Variants in WNT5A observed in about 807,000 individuals in gnomAD.
WNT5A encodes the protein protein Wnt-5a.
Under a neutral mutation model 42.1 loss-of-function variants are expected in WNT5A, and 9 were observed. That is an observed-to-expected ratio of 0.21 (90% CI 0.13 to 0.37). WNT5A has a LOEUF of 0.37. Ranked by LOEUF, WNT5A falls within the 10% of genes least tolerant of loss-of-function variation. The probability of loss-of-function intolerance (pLI) is 1.00; values close to 1 mark genes in which losing one functional copy is unlikely to be tolerated. For missense variants in WNT5A, 426 were observed against 534.0 expected (o/e 0.80, Z 1.99); for synonymous variants, 210 against 210.0 (o/e 1.00, Z 0.00).
chr3:55,474,159 G>A (rs2051303302), intron 4 of WNT5A, among the ~76,000 whole-genome samples, 178 bp downstream of exon 4: 1 of 152,126 alleles, frequency 6.6e-6, no homozygotes, highest in African/African-American at 2.4e-5. Flanking sequence ...GGAGGAAAGA[G>A]ACAGGAAAGA....
chr3:55,503,066 A>G, the WNT5A span, among the ~76,000 whole-genome samples: 1 of 152,216 alleles, frequency 6.6e-6, no homozygotes, highest in Non-Finnish European at 1.5e-5. Context: ...AGTGGTAATT[A>G]TACAAGTCTT....
At chr3:55,499,727 A>G in the WNT5A span, among the ~76,000 whole-genome samples, 2 of 152,272 alleles carry the variant, frequency 1.3e-5, no homozygotes, top group African/African-American at 2.4e-5. Context: ...TAATCCCAGC[A>G]CTTTGGGAGG....
At chr3:55,478,898 C>T (rs985428150) in intron 3 of WNT5A, 2 of 153,882 alleles carry the variant, frequency 1.3e-5, no homozygotes, top group Non-Finnish European at 2.9e-5. Context: ...TAAAAGACGG[C>T]AACTTTTAGT....
the WNT5A span, among the ~76,000 whole-genome samples, chr3:55,498,669 G>A: frequency 6.6e-6 from 1 of 152,140 alleles, no homozygotes; most frequent in Non-Finnish European, 1.5e-5. Flanking sequence ...TGATTTGGTG[G>A]GGCTAGCTCC....
intron 4 of WNT5A, among the ~76,000 whole-genome samples, chr3:55,472,233 G>T (rs1311339717): frequency 6.6e-6 from 1 of 152,150 alleles, no homozygotes; most frequent in East Asian, 1.9e-4. Context: ...AACATTATAG[G>T]TGCTTTTCAA....
At chr3:55,488,715 TTGTC>T (rs2051621413), upstream of WNT5A, among the ~76,000 whole-genome samples, 1 of 152,084 alleles carries the variant, frequency 6.6e-6, no homozygotes, top group Admixed American at 6.5e-5. Flanking sequence ...TGCCGCCTGG[TTGTC>T]TGCGCTCCTT....
chr3:55,499,013 C>T, the WNT5A span, among the ~76,000 whole-genome samples: 1 of 152,200 alleles, frequency 6.6e-6, no homozygotes, highest in African/African-American at 2.4e-5. Flanking sequence ...CCATTATCCT[C>T]CTTGTCTTCT....
rs1553676571 is a variant in WNT5A, at chr3:55,469,586, G to GTGTGTTTTGT, written c.*505_*506insACAAAACACA. On this transcript the variant is annotated 3_prime_UTR_variant, in exon 5 of 5. Coordinates refer to ENST00000264634, the MANE Select transcript of WNT5A (RefSeq NM_003392.7). ...CTAGCAGCCCTGCTGGGGAAGGGAG[G>GTGTGTTTTGT]TTTGTTTTGTTTTGTTTTGTTTTCC... is the stretch of plus-strand genomic sequence containing the variant. The GTGTGTTTTGT allele has an allele frequency of 6.5e-6, 1 of 152,776 alleles. No homozygotes were observed. The highest frequency in any genetic ancestry group is 1.5e-5 in the Non-Finnish European group (1 of 68,506). 9.5% of individuals were successfully genotyped at this position (152,776 alleles called of 1,614,324 possible). A position where few individuals can be genotyped will look rare whatever the true frequency, so the allele number is the denominator to read the frequency against.
intron 3 of WNT5A, among the ~76,000 whole-genome samples, chr3:55,475,490 TCAG>T (rs932845163): frequency 1.3e-4 from 20 of 152,218 alleles, no homozygotes; most frequent in African/African-American, 4.6e-4. Context: ...CAATTCTAAA[TCAG>T]CTCATAGAGA....
chr3:55,477,274 C>A (rs1335226959), intron 3 of WNT5A, among the ~76,000 whole-genome samples: 1 of 152,140 alleles, frequency 6.6e-6, no homozygotes, highest in African/African-American at 2.4e-5. Flanking sequence ...GATCCATGTT[C>A]CTCTTTCATA....
In WNT5A at chr3:55,483,174, G is replaced by A. The variant is rs1360412682; in HGVS notation, c.7-2256C>T. 6.6e-6 allele frequency among the ~76,000 whole-genome samples: 1 copy of A among 152,174 alleles called. No homozygotes were observed. The highest frequency in any genetic ancestry group is 6.5e-5 in the Admixed American group (1 of 15,280). On this transcript the variant is annotated intron_variant, in intron 1 of 4. Transcript: ENST00000264634. The surrounding 1 kb of genome is among the most constrained non-coding windows in gnomAD (Gnocchi z 4.2). ...GAGTCCACCAGTTCCCAGAGCCCAG[G>A]CCAACTGAGAGCGGGCCCATCCGGT...
In WNT5A at chr3:55,466,074, T is replaced by A. The variant is rs929849786; in HGVS notation, c.*4018A>T. 5.9e-5 allele frequency: 9 copies of A among 152,334 alleles called. No homozygotes were observed. Among genetic ancestry groups the A allele is most frequent in the Middle Eastern group, 3.4e-3 (1 of 294 alleles). The allele number at this position is 152,334 out of a possible 1,614,324, so 9.4% of individuals were successfully genotyped here. A position where few individuals can be genotyped will look rare whatever the true frequency, so the allele number is the denominator to read the frequency against. Reference sequence around the variant, plus strand: ...ATTTCTCTAAGTTTTAATTCCTATGTTTCTGAATGTTTCTTGAATTAAAAA... The same window carrying A: ...ATTTCTCTAAGTTTTAATTCCTATGATTCTGAATGTTTCTTGAATTAAAAA... On this transcript the variant is annotated 3_prime_UTR_variant, in exon 5 of 5. Coordinates refer to ENST00000264634, the MANE Select transcript of WNT5A (RefSeq NM_003392.7).
intron 2 of WNT5A, among the ~76,000 whole-genome samples, chr3:55,479,883 G>A (rs2051425777): frequency 1.3e-5 from 2 of 152,092 alleles, no homozygotes; most frequent in African/African-American, 4.8e-5. Context: ...CAGTTTGAGG[G>A]ACAGGCCTCT....
At chr3:55,498,319 T>A in the WNT5A span, among the ~76,000 whole-genome samples, 70 of 152,298 alleles carry the variant, frequency 4.6e-4, no homozygotes, top group African/African-American at 1.6e-3. Context: ...GATTATCTAC[T>A]ATGTATGTGC....
chr3:55,500,231 C>A, the WNT5A span, among the ~76,000 whole-genome samples: 2 of 152,144 alleles, frequency 1.3e-5, no homozygotes, highest in Middle Eastern at 3.2e-3. Flanking sequence ...CCTGGAAAAT[C>A]AAGAGCTTGG....
rs1391590176 is a variant in WNT5A, at chr3:55,469,990, G to A, written c.*102C>T. On this transcript the variant is annotated 3_prime_UTR_variant, in exon 5 of 5. Transcript: ENST00000264634. ...AAAATGGTTCCGGTTGCAATTCTTG[G>A]GGAAAAATAAAAAATATTTCTAAAA... The A allele has an allele frequency of 4.2e-6, 6 of 1,444,970 alleles. No individual in the cohort carries two copies. The highest frequency in any genetic ancestry group is 1.2e-5 in the South Asian group (1 of 81,068). The allele number at this position is 1,444,970 out of a possible 1,614,324, so 89.5% of individuals were successfully genotyped here. A position where few individuals can be genotyped will look rare whatever the true frequency, so the allele number is the denominator to read the frequency against.
At chr3:55,481,380 G>A in intron 1 of WNT5A, 1 of 985,614 alleles carries the variant, frequency 1.0e-6, no homozygotes, top group Non-Finnish European at 1.2e-6. Context: ...GGCGAGAGGA[G>A]CACGGAGGCG....
chr3:55,500,666 G>GA, the WNT5A span, among the ~76,000 whole-genome samples: 1 of 152,188 alleles, frequency 6.6e-6, no homozygotes. Context: ...TACTGAAGTA[G>GA]AAATATTCTG....
chr3:55,484,148 C>A (rs971812469), intron 1 of WNT5A, among the ~76,000 whole-genome samples: 6 of 151,946 alleles, frequency 3.9e-5, no homozygotes, highest in African/African-American at 1.5e-4. Flanking sequence ...CTTATGGCAG[C>A]GAAGGGGAGG....
Sources: gnomAD v4.1 joint callset for allele counts (sites outside exome capture counted in the v4.1 genomes callset) on GRCh38, gnomAD v4.1.1 for gene constraint, Gnocchi (gnomAD v3.1) non-coding constraint, MANE v1.5 for transcripts, NCBI Gene and HGNC (gene_info 2026-07-23, HGNC 2026-07-21) for gene names.